RHOBTB3: variants seen among roughly 807,000 people sequenced by gnomAD.
RHOBTB3 encodes rho-related BTB domain-containing protein 3.
A neutral mutation model predicts 67.2 loss-of-function variants in RHOBTB3; 47 were observed. The ratio of observed to expected loss-of-function variants is 0.70; its 90% CI spans 0.55 to 0.89. The LOEUF (loss-of-function observed/expected upper bound fraction) is 0.89. Ranked by LOEUF, RHOBTB3 falls within the 40% of genes least tolerant of loss-of-function variation. The probability of loss-of-function intolerance (pLI) is 0.00; values close to 1 mark genes in which losing one functional copy is unlikely to be tolerated. For synonymous variants in RHOBTB3, 273 were observed against 274.2 expected, an observed-to-expected ratio of 1.00 and a Z score of 0.04; for missense variants, 631 against 750.0, an observed-to-expected ratio of 0.84 and a Z score of 1.85.
At chr5:95,731,778 T>C in intron 1 of RHOBTB3, 81 bp from the exon 2 acceptor site, 1 of 1,603,310 alleles carries the variant, frequency 6.2e-7, no homozygotes, top group Non-Finnish European at 8.5e-7. Context: ...CCGCGCGCTG[T>C]CCCCCGCACT....
At chr5:95,751,046 G>A (rs2112794460) in intron 4 of RHOBTB3, among the ~76,000 whole-genome samples, 1 of 152,268 alleles carries the variant, frequency 6.6e-6, no homozygotes, top group Non-Finnish European at 1.5e-5. Context: ...AAATATTTAG[G>A]TGTGTGGTGG....
chr5:95,769,219 G>A, intron 8 of RHOBTB3: 2 of 338,402 alleles, frequency 5.9e-6, no homozygotes, highest in Non-Finnish European at 1.2e-5. Flanking sequence ...AACAAAAGAT[G>A]GTGTGACTGT....
At chr5:95,748,111 C>A (rs1052096019) in intron 3 of RHOBTB3, among the ~76,000 whole-genome samples, 6 of 151,772 alleles carry the variant, frequency 4.0e-5, no homozygotes, top group Non-Finnish European at 7.4e-5. Context: ...TTAAATTTTT[C>A]TATTTTCTAA....
At chr5:95,760,423 G>T (rs1041691051) in intron 6 of RHOBTB3, among the ~76,000 whole-genome samples, 9 of 152,286 alleles carry the variant, frequency 5.9e-5, no homozygotes, top group African/African-American at 2.2e-4. Context: ...AGAACCTCAA[G>T]AATTTAGCTT....
At position 95,731,821 on chromosome 5, in the gene RHOBTB3, G is replaced by A. The variant is rs200148580; in HGVS notation, c.3-38G>A. On this transcript the variant is annotated intron_variant, in intron 1 of 11. Coordinates refer to ENST00000379982, the MANE Select transcript of RHOBTB3 (RefSeq NM_014899.4). ...CCGAGGAGAGACCCGCGCGCTGACC[G>A]TGCTTCCCTTCTCCCCTCGCCCCCT... 10 of 1,602,420 alleles carry A rather than the reference G, an allele frequency of 6.2e-6. No homozygotes were observed. In the African/African-American group the frequency reaches 6.7e-5, roughly 11 times the overall value.
At chr5:95,761,339 C>CTTTTTTTT (rs766063568) in intron 6 of RHOBTB3, among the ~76,000 whole-genome samples, 2 of 125,812 alleles carry the variant, frequency 1.6e-5, no homozygotes, top group African/African-American at 3.1e-5. Context: ...CCTTTTTCCT[C>CTTTTTTTT]TTTTTTTTTT....
chr5:95,740,322 G>A (rs1339758632), intron 3 of RHOBTB3, among the ~76,000 whole-genome samples: 1 of 152,168 alleles, frequency 6.6e-6, no homozygotes, highest in Non-Finnish European at 1.5e-5. Context: ...CTATAGAGAT[G>A]AGAATGATAA....
At chr5:95,780,685 G>A (rs1488782948) in intron 9 of RHOBTB3, among the ~76,000 whole-genome samples, 1 of 152,130 alleles carries the variant, frequency 6.6e-6, no homozygotes, top group African/African-American at 2.4e-5. Flanking sequence ...TACAGCATGG[G>A]GATCACTGTA....
intron 6 of RHOBTB3, among the ~76,000 whole-genome samples, chr5:95,756,410 A>G (rs1745248008): frequency 6.6e-6 from 1 of 152,222 alleles, no homozygotes; most frequent in African/African-American, 2.4e-5. Flanking sequence ...TCATTCATCC[A>G]TGGACGCTTG....
chr5:95,765,001 C>T (rs1297549391), intron 7 of RHOBTB3, among the ~76,000 whole-genome samples: 9 of 151,904 alleles, frequency 5.9e-5, no homozygotes, highest in Non-Finnish European at 1.5e-5. Flanking sequence ...GCACATATGC[C>T]TATATTCTCG....
intron 7 of RHOBTB3, among the ~76,000 whole-genome samples, chr5:95,766,686 G>A (rs552287131): frequency 6.6e-6 from 1 of 152,048 alleles, no homozygotes; most frequent in African/African-American, 2.4e-5. Flanking sequence ...CTTCCAGGAG[G>A]GTTGGCACAC....
chr5:95,718,012 G>A (rs950593102), intron 1 of RHOBTB3, among the ~76,000 whole-genome samples: 7 of 152,170 alleles, frequency 4.6e-5, no homozygotes, highest in African/African-American at 1.7e-4. Context: ...TATTTGAATG[G>A]TAAGTGGTAA....
chr5:95,771,705 C>A (rs1451845641), intron 8 of RHOBTB3, among the ~76,000 whole-genome samples: 2 of 152,162 alleles, frequency 1.3e-5, no homozygotes, highest in Non-Finnish European at 2.9e-5. Context: ...AGGTAGGACA[C>A]GCCTAGTCAG....
chr5:95,795,755 C>A lies in RHOBTB3; in HGVS notation c.*2581C>A, dbSNP rs1223926716. The A allele has an allele frequency of 3.3e-5, 5 of 152,340 alleles. No homozygotes were observed. The East Asian group carries it at 7.7e-4, about 23-fold the overall frequency. The allele number at this position is 152,340 out of a possible 1,614,324, so 9.4% of individuals were successfully genotyped here. A position where few individuals can be genotyped will look rare whatever the true frequency, so the allele number is the denominator to read the frequency against. On this transcript the variant is annotated 3_prime_UTR_variant, in exon 12 of 12. Transcript: ENST00000379982. ...GTACCTTTAACTCAATTTAATATAA[C>A]AAGAAATCGTAAAATACTTATAACC...
chr5:95,744,813 G>C (rs1755706462), intron 3 of RHOBTB3, among the ~76,000 whole-genome samples: 1 of 152,156 alleles, frequency 6.6e-6, no homozygotes, highest in Non-Finnish European at 1.5e-5. Context: ...ACTCACGCCT[G>C]TAATCCCAGC....
At chr5:95,786,538 C>T (rs949892654) in intron 10 of RHOBTB3, among the ~76,000 whole-genome samples, 1 of 152,202 alleles carries the variant, frequency 6.6e-6, no homozygotes, top group African/African-American at 2.4e-5. Context: ...TTCCGTATCT[C>T]TACTCCTGTT....
At chr5:95,728,703 T>TG (rs1755129217), upstream of RHOBTB3, among the ~76,000 whole-genome samples, 1 of 152,200 alleles carries the variant, frequency 6.6e-6, no homozygotes, top group South Asian at 2.1e-4. Flanking sequence ...GAGTAGAGGC[T>TG]GGGTACACTA....
intron 11 of RHOBTB3, among the ~76,000 whole-genome samples, chr5:95,791,717 T>TC (rs1262565595): frequency 3.3e-5 from 5 of 152,090 alleles, no homozygotes; most frequent in Non-Finnish European, 7.4e-5. Flanking sequence ...TCTTTTCTTT[T>TC]TTTTTTTTAG....
chr5:95,775,859 C>G (rs1479786137), intron 8 of RHOBTB3, among the ~76,000 whole-genome samples: 1 of 152,004 alleles, frequency 6.6e-6, no homozygotes, highest in Non-Finnish European at 1.5e-5. Context: ...AAACTTAAGA[C>G]AGACCCTCAA....
Sources: allele counts gnomAD v4.1 joint callset (sites outside exome capture counted in the v4.1 genomes callset), GRCh38; gene constraint gnomAD v4.1.1; transcripts MANE v1.5; gene names NCBI Gene and HGNC (gene_info 2026-07-23, HGNC 2026-07-21).